The following LIN52 variants were observed in gnomAD, a reference collection of about 807,000 sequenced individuals.
LIN52 encodes the protein lin-52 DREAM MuvB core complex component.
LIN52 carries 4 observed loss-of-function variants against 18.5 expected under a neutral mutation model. That is an observed-to-expected ratio of 0.22 (90% CI 0.11 to 0.49). The LOEUF is 0.49. Among genes scored for constraint, LIN52 ranks in the 20% least tolerant of loss-of-function variants. The pLI, the probability that LIN52 is intolerant of heterozygous loss-of-function variation, is 0.97. For missense variants in LIN52, 102 were observed against 139.5 expected (o/e 0.73, Z 1.35); for synonymous variants, 34 against 45.5 (o/e 0.75, Z 1.02).
chr14:74,124,652 A>C lies in LIN52; in HGVS notation c.283+23414A>C, dbSNP rs530653149. ...ATGATGAAACCCCATCTCTGCAAAA[A>C]ATGCAAAATTAGCTGGGCATGGTGA... On this transcript the variant is annotated intron_variant, in intron 5 of 5. Coordinates refer to ENST00000555028, the MANE Select transcript of LIN52 (RefSeq NM_001024674.3). Among the ~76,000 whole-genome samples, 6 of 151,948 alleles carry C rather than the reference A, an allele frequency of 3.9e-5. No individual in the cohort carries two copies. In the South Asian group the frequency reaches 1.2e-3, roughly 32 times the overall value.
chr14:74,175,039 A>AATAATAATAATAATAATG (rs1460280390), intron 5 of LIN52, among the ~76,000 whole-genome samples: 2 of 149,422 alleles, frequency 1.3e-5, no homozygotes, highest in Non-Finnish European at 3.0e-5. Flanking sequence ...TAATAATAAT[A>AATAATAATAATAATAATG]ATAATGTACA....
At chr14:74,085,622 T>G (rs2060723138) in intron 1 of LIN52, 1 of 152,244 alleles carries the variant, frequency 6.6e-6, no homozygotes, top group African/African-American at 2.4e-5. Flanking sequence ...GTCTTCCATC[T>G]GCTTTACGTG....
At chr14:74,180,671 CTAGTT>C (rs1243682430) in intron 5 of LIN52, among the ~76,000 whole-genome samples, 2 of 152,164 alleles carry the variant, frequency 1.3e-5, no homozygotes, top group Non-Finnish European at 2.9e-5. Context: ...ACTGATTAAA[CTAGTT>C]TAGAACTCTA....
chr14:74,093,296 C>A (rs997813755), intron 2 of LIN52, among the ~76,000 whole-genome samples: 6 of 149,432 alleles, frequency 4.0e-5, no homozygotes, highest in Non-Finnish European at 7.4e-5. Context: ...ATATATAAAG[C>A]GTTTTCTCAC....
chr14:74,093,655 G>A (rs751983799), intron 2 of LIN52, among the ~76,000 whole-genome samples: 4 of 152,110 alleles, frequency 2.6e-5, no homozygotes, highest in African/African-American at 7.2e-5. Flanking sequence ...ACTGTTAATC[G>A]TACAAATCCT....
At chr14:74,101,312 T>C (rs1229311077) in intron 5 of LIN52, 74 bp downstream of exon 5, 12 of 956,574 alleles carry the variant, frequency 1.3e-5, no homozygotes, top group African/African-American at 3.4e-5. Context: ...AGCTCAGGTA[T>C]TCCACCCTGA....
At chr14:74,114,814 G>C (rs2060954455) in intron 5 of LIN52, among the ~76,000 whole-genome samples, 1 of 152,168 alleles carries the variant, frequency 6.6e-6, no homozygotes, top group African/African-American at 2.4e-5. Flanking sequence ...ATGTGAAATA[G>C]GATGTACATA....
intron 5 of LIN52, among the ~76,000 whole-genome samples, chr14:74,111,111 G>T (rs2060924103): frequency 1.3e-5 from 2 of 152,218 alleles, no homozygotes; most frequent in Admixed American, 1.3e-4. Flanking sequence ...TCAAGAAGCA[G>T]AAGTTTCCAC....
chr14:74,114,338 G>C, intron 5 of LIN52: 1 of 985,460 alleles, frequency 1.0e-6, no homozygotes, highest in South Asian at 4.7e-5. Flanking sequence ...TTGGTGCACA[G>C]GATAGAGTAG....
At chr14:74,135,211 C>T (rs893696482) in intron 5 of LIN52, among the ~76,000 whole-genome samples, 1 of 152,092 alleles carries the variant, frequency 6.6e-6, no homozygotes, top group Admixed American at 6.5e-5. Flanking sequence ...CCTACAGTCG[C>T]GTACCACCAC....
chr14:74,114,175 AGT>A (rs55840907), intron 5 of LIN52: 151,148 of 929,750 alleles, frequency 0.16, 2,354 homozygotes, highest in Admixed American at 0.2. Context: ...AACTGAGATT[AGT>A]GTGTGTGTGT....
chr14:74,188,171 C>T (rs1441365940), intron 5 of LIN52, among the ~76,000 whole-genome samples: 1 of 151,950 alleles, frequency 6.6e-6, no homozygotes, highest in African/African-American at 2.4e-5. Flanking sequence ...GCAGTTAAAA[C>T]CCAGATTGTA....
At chr14:74,197,985 A>G (rs2078924956) in intron 5 of LIN52, among the ~76,000 whole-genome samples, 1 of 152,148 alleles carries the variant, frequency 6.6e-6, no homozygotes, top group Non-Finnish European at 1.5e-5. Context: ...TTGGGAGACC[A>G]CACAGCCTAC....
Position 74,091,267 on chromosome 14 carries a change from A to G in LIN52, c.55A>G (p.Lys19Glu). ...DLEASLLSFE[K>E]LDRASPDLWP... ...GGAAGCATCTTTGCTAAGTTTTGAAAAACTTGACCGTGCCTCACCAGATCT... is the reference window on the plus strand; with the variant it reads ...GGAAGCATCTTTGCTAAGTTTTGAAGAACTTGACCGTGCCTCACCAGATCT... Residue 19 changes from lysine (K) to glutamate (E), a missense_variant, in exon 2 of 6, where the codon AAA becomes GAA. Coordinates refer to ENST00000555028, the MANE Select transcript of LIN52 (RefSeq NM_001024674.3). The G allele has an allele frequency of 1.2e-6, 2 of 1,611,630 alleles. No individual in the cohort carries two copies. The highest frequency in any genetic ancestry group is 1.7e-6 in the Non-Finnish European group (2 of 1,177,974).
At chr14:74,168,769 A>G (rs185025463) in intron 5 of LIN52, among the ~76,000 whole-genome samples, 1 of 152,100 alleles carries the variant, frequency 6.6e-6, no homozygotes, top group East Asian at 1.9e-4. Context: ...CATGTTAAGA[A>G]TTTCTGGACA....
intron 5 of LIN52, among the ~76,000 whole-genome samples, chr14:74,117,441 G>T (rs1319675236): frequency 6.6e-6 from 1 of 151,960 alleles, no homozygotes; most frequent in Non-Finnish European, 1.5e-5. Flanking sequence ...AACTGCAGCT[G>T]TTTGGCTGAG....
At chr14:74,147,173 G>A (rs777052345) in intron 5 of LIN52, among the ~76,000 whole-genome samples, 4 of 152,176 alleles carry the variant, frequency 2.6e-5, no homozygotes, top group Middle Eastern at 3.4e-3. Flanking sequence ...CAGGAGAATC[G>A]CTTGGATGCC....
chr14:74,178,042 G>A (rs1291961733), intron 5 of LIN52, among the ~76,000 whole-genome samples: 1 of 152,154 alleles, frequency 6.6e-6, no homozygotes, highest in Non-Finnish European at 1.5e-5. Context: ...GCCTCCCAAA[G>A]CACGGGGATT....
At chr14:74,103,532 A>G (rs2060874934) in intron 5 of LIN52, among the ~76,000 whole-genome samples, 1 of 149,874 alleles carries the variant, frequency 6.7e-6, no homozygotes, top group South Asian at 2.1e-4. Flanking sequence ...TCCCAGGTTC[A>G]AGCGATTCTC....
Sources: gnomAD v4.1 joint callset for allele counts (sites outside exome capture counted in the v4.1 genomes callset) on GRCh38, gnomAD v4.1.1 for gene constraint, MANE v1.5 for transcripts, NCBI Gene and HGNC (gene_info 2026-07-23, HGNC 2026-07-21) for gene names.